TASOR: variants seen among roughly 807,000 people sequenced by gnomAD.
TASOR encodes the protein protein TASOR.
A neutral mutation model predicts 178.6 loss-of-function variants in TASOR; 53 were observed. That is an observed-to-expected ratio of 0.30 (90% confidence interval 0.24 to 0.37). TASOR has a LOEUF of 0.37. Ranked by LOEUF, TASOR falls within the 10% of genes least tolerant of loss-of-function variation. TASOR has a pLI of 1.00. For synonymous variants in TASOR, 713 were observed against 696.2 expected (o/e 1.02, Z -0.38); for missense variants, 1,815 against 1,971.4 (o/e 0.92, Z 1.50).
intron 1 of TASOR, among the ~76,000 whole-genome samples, chr3:56,679,564 G>A (rs1014054844): frequency 6.6e-6 from 1 of 152,180 alleles, no homozygotes; most frequent in South Asian, 2.1e-4. Flanking sequence ...GAAGATGGAG[G>A]TTAGGAGAAT....
At chr3:56,642,840 G>C (rs1324627458) in intron 14 of TASOR, among the ~76,000 whole-genome samples, 1 of 152,180 alleles carries the variant, frequency 6.6e-6, no homozygotes, top group East Asian at 1.9e-4. Context: ...GCTGGGCGTA[G>C]TGGCATGAAC....
intron 1 of TASOR, among the ~76,000 whole-genome samples, chr3:56,680,372 C>T (rs1226837258): frequency 2.6e-5 from 4 of 152,182 alleles, no homozygotes; most frequent in African/African-American, 9.6e-5. Context: ...TACTCAATTA[C>T]AATGGCAGTT....
At chr3:56,661,526 C>A (rs569763839) in intron 9 of TASOR, among the ~76,000 whole-genome samples, 12 of 152,288 alleles carry the variant, frequency 7.9e-5, no homozygotes, top group African/African-American at 2.6e-4. Context: ...ATATTTCCAA[C>A]CTTCCATCCT....
rs1337114178 is a variant in TASOR at position 56,682,892 on chromosome 3, G to C, written c.115C>G (p.Gln39Glu). 1 of 1,540,036 alleles carries C rather than the reference G, an allele frequency of 6.5e-7. No individual in the cohort carries two copies. The highest frequency in any genetic ancestry group is 1.2e-5 in the South Asian group (1 of 83,598). The part of the protein sequence containing the change: ...QALPELESSQ[Q>E]NGGGGGLNIA... ...TTGAGGCCGCCGCCGCCGCCATTTT[G>C]TTGGGAGGACTCAAGCTCCGGAAGC... The change falls in exon 1 of 24, where the codon CAA (glutamine) becomes GAA (glutamate). Residue 39 changes from glutamine to glutamate, a missense_variant. By Grantham distance (29) the Gln-to-Glu change is conservative (BLOSUM62 2). This residue lies in a region of TASOR where 244 missense variants were observed against 202.7 expected (regional missense o/e 1.20). Transcript: ENST00000683822.
At chr3:56,645,966 G>T (rs1034127029) in intron 14 of TASOR, among the ~76,000 whole-genome samples, 2 of 152,124 alleles carry the variant, frequency 1.3e-5, no homozygotes. Context: ...GGCTCACATG[G>T]TGAAACCCCG....
chr3:56,622,955 A>C lies in TASOR; in HGVS notation c.*82T>G, dbSNP rs1449583846. ...AAGAAAAAACATTTGAGAAAGAACA[A>C]GAACCTTTTGTTTAGAGAATGAAAT... On this transcript the variant is annotated 3_prime_UTR_variant, in exon 24 of 24. Coordinates refer to ENST00000683822, the MANE Select transcript of TASOR (RefSeq NM_001365635.2). 2.1e-6 allele frequency: 2 copies of C among 932,230 alleles called. No individual in the cohort carries two copies. Among genetic ancestry groups the C allele is most frequent in the Non-Finnish European group, 3.1e-6 (2 of 646,746 alleles). 57.7% of individuals were successfully genotyped at this position (932,230 alleles called of 1,614,324 possible). A position where few individuals can be genotyped will look rare whatever the true frequency, so the allele number is the denominator to read the frequency against.
In TASOR at chr3:56,680,325, A is replaced by T. The variant is rs529644694; in HGVS notation, c.331+2351T>A. Among the ~76,000 whole-genome samples, 5 of 152,296 alleles carry T rather than the reference A, an allele frequency of 3.3e-5. No individual in the cohort carries two copies. In the South Asian group the frequency reaches 1.0e-3, roughly 32 times the overall value. Reference sequence around the variant, plus strand: ...TAAATTGCTTAGAACAATGCCCACAACTTATTAGGCACTATACAAGTGTTT... The same window carrying T: ...TAAATTGCTTAGAACAATGCCCACATCTTATTAGGCACTATACAAGTGTTT... On this transcript the variant is annotated intron_variant, in intron 1 of 23. Coordinates refer to ENST00000683822, the MANE Select transcript of TASOR (RefSeq NM_001365635.2).
chr3:56,663,436 T>A (rs904097176), intron 8 of TASOR, 105 bp downstream of exon 8: 1 of 661,576 alleles, frequency 1.5e-6, no homozygotes, highest in East Asian at 6.9e-5. Flanking sequence ...CTTTTCATAC[T>A]TTGCAGATTT....
intron 1 of TASOR, among the ~76,000 whole-genome samples, chr3:56,681,871 C>G (rs1485059204): frequency 6.6e-6 from 1 of 152,024 alleles, no homozygotes; most frequent in Non-Finnish European, 1.5e-5. Context: ...ATATGGGTTC[C>G]AAAAACTAAG....
chr3:56,649,031 T>C lies in TASOR; in HGVS notation c.1395A>G (p.Arg465=). ...AAGGGGAGAGAAGAAAAAGGTATCC[T>C]CGGTCTCCCAAAGGTTTAACAAGAA... ...KLVLVKPLGD[R]GYLFLLSPYQ... The change falls in exon 12 of 24, where the codon CGA becomes CGG. Residue 465 remains arginine, a synonymous_variant. Coordinates refer to ENST00000683822, the MANE Select transcript of TASOR (RefSeq NM_001365635.2). The C allele has an allele frequency of 1.2e-6, 2 of 1,609,232 alleles. No homozygotes were observed. The highest frequency in any genetic ancestry group is 1.1e-5 in the South Asian group (1 of 89,342).
intron 11 of TASOR, among the ~76,000 whole-genome samples, chr3:56,649,988 C>T (rs768524631): frequency 3.9e-5 from 6 of 152,198 alleles, no homozygotes; most frequent in Non-Finnish European, 7.3e-5. Context: ...CAGGAATGTC[C>T]TTGAGAGCAT....
chr3:56,663,545 G>T lies in TASOR; in HGVS notation c.1050C>A (p.Asn350Lys), dbSNP rs1303538057. ...SRSNSFNTDR[N>K]IDKYNYTLWK... is the part of the protein sequence containing the mutation. ...AAAGAAACATAAATCTCTTACCTAT[G>T]TTTCTATCTGTATTAAAGCTGTTAG... The change falls in exon 8 of 24, where the codon AAC (asparagine) becomes AAA (lysine). Residue 350 changes from asparagine (N) to lysine (K), a missense_variant. By Grantham distance (94) the Asn-to-Lys change is moderately conservative (BLOSUM62 0). Around this residue, in one of 5 missense-constraint regions of TASOR, gnomAD observed 504 missense variants for 645.3 expected, o/e 0.78. Transcript: ENST00000683822. 2 of 1,158,020 alleles carry T rather than the reference G, an allele frequency of 1.7e-6. No homozygotes were observed. Among genetic ancestry groups the T allele is most frequent in the South Asian group, 1.5e-5 (1 of 66,502 alleles). The allele number at this position is 1,158,020 out of a possible 1,614,324, so 71.7% of individuals were successfully genotyped here.
rs767222277 is a variant in TASOR, at chr3:56,669,839, C to T, written c.644-48G>A. 6 of 1,311,616 alleles carry T rather than the reference C, an allele frequency of 4.6e-6. No individual in the cohort carries two copies. In the South Asian group the frequency reaches 8.3e-5, roughly 18 times the overall value. The allele number at this position is 1,311,616 out of a possible 1,614,324, so 81.2% of individuals were successfully genotyped here. On this transcript the variant is annotated intron_variant, in intron 4 of 23. Coordinates refer to ENST00000683822, the MANE Select transcript of TASOR (RefSeq NM_001365635.2). ...GGAAACTGATTATATTTTTCAAAATCACTAGGACTAAAATAAGACATTTTT... is the reference window on the plus strand; with the variant it reads ...GGAAACTGATTATATTTTTCAAAATTACTAGGACTAAAATAAGACATTTTT...
chr3:56,680,411 CAAA>C (rs1430035182), intron 1 of TASOR, among the ~76,000 whole-genome samples: 1 of 151,888 alleles, frequency 6.6e-6, no homozygotes, highest in African/African-American at 2.4e-5. Flanking sequence ...CTGGGAAGAC[CAAA>C]AAAAGAACTT....
chr3:56,636,117 A>T (rs1372266338), intron 17 of TASOR, among the ~76,000 whole-genome samples: 1 of 151,928 alleles, frequency 6.6e-6, no homozygotes, highest in Non-Finnish European at 1.5e-5. Flanking sequence ...CAGCCTGGCC[A>T]ACATGGTGAA....
intron 23 of TASOR, chr3:56,623,942 T>A: frequency 2.3e-6 from 2 of 877,058 alleles, no homozygotes; most frequent in Non-Finnish European, 3.4e-6. Context: ...TGGTTAGCAC[T>A]AAATGAATGA....
intron 11 of TASOR, among the ~76,000 whole-genome samples, chr3:56,655,850 G>GTC (rs563237897): frequency 7.2e-5 from 11 of 151,834 alleles, no homozygotes; most frequent in East Asian, 5.8e-4. Context: ...ATGTAATGTG[G>GTC]TCTCTCTCTC....
intron 1 of TASOR, among the ~76,000 whole-genome samples, chr3:56,680,721 A>G (rs2031707240): frequency 6.6e-6 from 1 of 152,138 alleles, no homozygotes; most frequent in Admixed American, 6.5e-5. Context: ...TACTATTTGA[A>G]CAGCTGGTGT....
chr3:56,660,012 T>G (rs1244906321), intron 11 of TASOR, among the ~76,000 whole-genome samples: 1 of 151,858 alleles, frequency 6.6e-6, no homozygotes, highest in Non-Finnish European at 1.5e-5. Flanking sequence ...GTAGCTGAGA[T>G]TACACCACAC....
Sources: gnomAD v4.1 joint callset for allele counts (sites outside exome capture counted in the v4.1 genomes callset) on GRCh38, gnomAD v4.1.1 for gene constraint, gnomAD v4.1.1 regional missense constraint, MANE v1.5 for transcripts, NCBI Gene and HGNC (gene_info 2026-07-23, HGNC 2026-07-21) for gene names.